CENPP: variants seen among roughly 807,000 people sequenced by gnomAD.
CENPP encodes centromere protein P.
In CENPP, 24 loss-of-function variants were observed where a neutral mutation model predicts 35.6. The observed-to-expected ratio is 0.67, with a 90% CI of 0.49 to 0.95. The LOEUF (loss-of-function observed/expected upper bound fraction) is 0.95. Ranked by LOEUF, CENPP falls within the 40% of genes least tolerant of loss-of-function variation. CENPP has a pLI of 0.00. For missense variants in CENPP, 332 were observed against 345.3 expected (o/e 0.96, Z 0.31); for synonymous variants, 120 against 125.5 (o/e 0.96, Z 0.29).
At chr9:92,491,408 T>C (rs1157990414) in intron 5 of CENPP, among the ~76,000 whole-genome samples, 1 of 152,150 alleles carries the variant, frequency 6.6e-6, no homozygotes, top group African/African-American at 2.4e-5. Flanking sequence ...TCAAGTCAGA[T>C]GGACACTGCA....
chr9:92,445,723 A>C (rs902184150), intron 5 of CENPP, among the ~76,000 whole-genome samples: 1 of 152,110 alleles, frequency 6.6e-6, no homozygotes, highest in Non-Finnish European at 1.5e-5. Flanking sequence ...GTCTCTACTA[A>C]AAATACAAAA....
At chr9:92,409,443 G>T (rs150836397) in intron 5 of CENPP, among the ~76,000 whole-genome samples, 2 of 152,240 alleles carry the variant, frequency 1.3e-5, no homozygotes, top group East Asian at 3.9e-4. Context: ...ACATCATGGA[G>T]CTGATTAAGT....
chr9:92,551,925 GTA>G (rs143120429), intron 5 of CENPP, among the ~76,000 whole-genome samples: 5,957 of 84,410 alleles, frequency 0.071, 422 homozygotes, highest in South Asian at 0.13. Flanking sequence ...TGGTGTGTGT[GTA>G]TATATATATA....
intron 3 of CENPP, chr9:92,340,495 T>C (rs1447690009): frequency 6.6e-6 from 1 of 152,476 alleles, no homozygotes; most frequent in Non-Finnish European, 1.5e-5. Flanking sequence ...CAGATAAGGA[T>C]GAGGTCACCA....
chr9:92,549,804 A>G (rs1037318732), intron 5 of CENPP, among the ~76,000 whole-genome samples: 1 of 152,192 alleles, frequency 6.6e-6, no homozygotes, highest in Non-Finnish European at 1.5e-5. Flanking sequence ...AGTGGAGAAC[A>G]TAGATGTACG....
chr9:92,472,385 C>T (rs1456647029), intron 5 of CENPP, among the ~76,000 whole-genome samples: 5 of 147,798 alleles, frequency 3.4e-5, no homozygotes, highest in Middle Eastern at 4.1e-3. Flanking sequence ...ATAGGCTGGG[C>T]GCGGTGGCTC....
At chr9:92,611,270 T>TC in intron 5 of CENPP, 44 bp from the exon 6 acceptor site, 2 of 1,527,554 alleles carry the variant, frequency 1.3e-6, no homozygotes, top group Non-Finnish European at 1.8e-6. Context: ...GGCCCCTTTC[T>TC]CCCCACCAGT....
intron 5 of CENPP, among the ~76,000 whole-genome samples, chr9:92,431,100 T>C (rs1416025367): frequency 6.6e-6 from 1 of 152,192 alleles, no homozygotes; most frequent in Non-Finnish European, 1.5e-5. Context: ...GGCCAGTTTC[T>C]TTATTTTTAA....
At position 92,514,820 on chromosome 9, in the gene CENPP, C is replaced by T. The variant is rs747962006; in HGVS notation, c.565-96494C>T. On this transcript the variant is annotated intron_variant, in intron 5 of 7. Coordinates refer to ENST00000375587, the MANE Select transcript of CENPP (RefSeq NM_001012267.3). ...ATATCTCCTCTTACCGGGTCCTCCTCGTCCTCCTCATCCTCCTCACCCTCC... is the reference window on the plus strand; with the variant it reads ...ATATCTCCTCTTACCGGGTCCTCCTTGTCCTCCTCATCCTCCTCACCCTCC... The T allele has an allele frequency of 9.3e-6, 15 of 1,613,026 alleles. No individual in the cohort carries two copies. The Admixed American group carries it at 1.7e-4, about 18-fold the overall frequency.
rs1000941482 is a variant in CENPP at position 92,429,995 on chromosome 9, A to C, written c.564+50136A>C. On this transcript the variant is annotated intron_variant, in intron 5 of 7. Coordinates refer to ENST00000375587, the MANE Select transcript of CENPP (RefSeq NM_001012267.3). ...CTAATAAACTTTTATAAGGGACTGC[A>C]TATGTGTGCTAGTGTGTCTGAGGGG... is the stretch of plus-strand genomic sequence containing the variant. 4.6e-5 allele frequency among the ~76,000 whole-genome samples: 7 copies of C among 152,334 alleles called. No individual in the cohort carries two copies. In the South Asian group the frequency reaches 1.2e-3, roughly 27 times the overall value.
intron 5 of CENPP, among the ~76,000 whole-genome samples, chr9:92,470,271 C>G (rs1183014691): frequency 6.6e-6 from 1 of 152,192 alleles, no homozygotes; most frequent in African/African-American, 2.4e-5. Flanking sequence ...CAGATATATT[C>G]TGTGTGCTGC....
At position 92,611,497 on chromosome 9, in the gene CENPP, G is replaced by C. The variant is rs567140915; in HGVS notation, c.644+104G>C. 81 of 862,418 alleles carry C rather than the reference G, an allele frequency of 9.4e-5. No homozygotes were observed. The African/African-American group carries it at 1.1e-3, about 12-fold the overall frequency. The allele number at this position is 862,418 out of a possible 1,614,324, so 53.4% of individuals were successfully genotyped here. A position where few individuals can be genotyped will look rare whatever the true frequency, so the allele number is the denominator to read the frequency against. On this transcript the variant is annotated intron_variant, in intron 6 of 7. Transcript: ENST00000375587. ...TCTAAGTAGTAAACTACCTAACCAA[G>C]AACTAAAGGTCGTCGGTTGGAGGAA...
intron 5 of CENPP, among the ~76,000 whole-genome samples, chr9:92,483,553 T>A (rs943252273): frequency 2.0e-5 from 3 of 152,172 alleles, no homozygotes; most frequent in Non-Finnish European, 2.9e-5. Flanking sequence ...CTAACCCTAG[T>A]GGCAAGGACT....
chr9:92,425,222 C>G (rs1485111276), intron 5 of CENPP, among the ~76,000 whole-genome samples: 2 of 151,914 alleles, frequency 1.3e-5, no homozygotes, highest in African/African-American at 4.8e-5. Flanking sequence ...GCAGATGTAC[C>G]CACTAGAATG....
chr9:92,344,349 G>A (rs909000267), intron 3 of CENPP, among the ~76,000 whole-genome samples: 5 of 152,174 alleles, frequency 3.3e-5, no homozygotes, highest in Admixed American at 6.5e-5. Flanking sequence ...ACTTGACCAA[G>A]AGACCAGATG....
chr9:92,592,833 TTGTATTCCCC>T (rs2131377335), intron 5 of CENPP, among the ~76,000 whole-genome samples: 1 of 152,320 alleles, frequency 6.6e-6, no homozygotes, highest in South Asian at 2.1e-4. Flanking sequence ...TGGTATTAGT[TTGTATTCCCC>T]TGATGATGCA....
rs1193496794 is a variant in CENPP, at chr9:92,421,749, G to A, written c.564+41890G>A. The stretch of plus-strand genomic sequence containing the variant: ...TGGAGAATACAGAAATGAAGAAGAC[G>A]TGAAGCCATAGTCCCTTCTGTAAAG... On this transcript the variant is annotated intron_variant, in intron 5 of 7. Transcript: ENST00000375587. 3.9e-5 allele frequency among the ~76,000 whole-genome samples: 6 copies of A among 152,224 alleles called. 1 individual carries two copies. Among genetic ancestry groups the A allele is most frequent in the East Asian group, 3.8e-4 (2 of 5,204 alleles).
intron 4 of CENPP, among the ~76,000 whole-genome samples, chr9:92,352,505 G>GTGTGTGTATATATATATATA: frequency 1.6e-4 from 8 of 49,780 alleles, no homozygotes; most frequent in Non-Finnish European, 2.0e-4. Flanking sequence ...GTGTGTGTGT[G>GTGTGTGTATATATATATATA]TATACATATA....
chr9:92,572,745 T>C (rs1850176195), intron 5 of CENPP, among the ~76,000 whole-genome samples: 3 of 152,234 alleles, frequency 2.0e-5, no homozygotes, highest in Admixed American at 2.0e-4. Flanking sequence ...GTAGATTTGG[T>C]CTTTTCACAT....
Sources: gnomAD v4.1 joint callset for allele counts (sites outside exome capture counted in the v4.1 genomes callset) on GRCh38, gnomAD v4.1.1 for gene constraint, MANE v1.5 for transcripts, NCBI Gene and HGNC (gene_info 2026-07-23, HGNC 2026-07-21) for gene names.